KCNQ3: variants seen among roughly 807,000 people sequenced by gnomAD.
The protein encoded by KCNQ3 is potassium voltage-gated channel subfamily Q member 3, also known as potassium voltage-gated channel subfamily KQT member 3.
A neutral mutation model predicts 92.5 loss-of-function variants in KCNQ3; 30 were observed. The ratio of observed to expected loss-of-function variants is 0.32; its 90% CI spans 0.24 to 0.44. The LOEUF is 0.44. KCNQ3 is among the 20% of genes least tolerant of loss of function. The pLI is 1.00. For missense variants in KCNQ3, 913 were observed against 1,140.3 expected (o/e 0.80, Z 2.87); for synonymous variants, 450 against 468.8 (o/e 0.96, Z 0.52).
chr8:132,174,138 G>A (rs986452845), intron 6 of KCNQ3, 101 bp downstream of exon 6: 1 of 833,068 alleles, frequency 1.2e-6, no homozygotes, highest in Non-Finnish European at 2.0e-6. Flanking sequence ...AGTTGGTAGG[G>A]TATAAGAGGA....
In KCNQ3 at chr8:132,175,587, T is replaced by C; in HGVS notation, c.799A>G (p.Ile267Val). Residue 267 changes from isoleucine to valine, a missense_variant, in exon 5 of 15, where the codon ATC (isoleucine) becomes GTC (valine). This residue lies in a region of KCNQ3 where 100 missense variants were observed against 217.6 expected (regional missense o/e 0.46). Coordinates refer to ENST00000388996, the MANE Select transcript of KCNQ3 (RefSeq NM_004519.4). ...GAAAGGATGAGTGTCAGGAAACCGA[T>C]GTACCAGGCCGTGATGAGTTCCTGA... ...HSKELITAWY[I>V]GFLTLILSSF... 1 of 1,614,136 alleles carries C rather than the reference T, an allele frequency of 6.2e-7. No homozygotes were observed. The highest frequency in any genetic ancestry group is 8.5e-7 in the Non-Finnish European group (1 of 1,179,998).
rs2130875064 is a variant in KCNQ3 at position 132,480,329 on chromosome 8, C to T, written c.204G>A (p.Leu68=). The T allele has an allele frequency of 3.7e-6, 6 of 1,600,848 alleles. No homozygotes were observed. The highest frequency in any genetic ancestry group is 5.1e-6 in the Non-Finnish European group (6 of 1,175,376). ...GAGADKDGTL[L]LEGGGRDEGQ... ...CCTCGTCGCGGCCGCCGCCCTCCAG[C>T]AGCAGGGTCCCGTCTTTGTCGGCTC... Residue 68 remains leucine, a synonymous_variant, in exon 1 of 15, where the codon CTG becomes CTA. Transcript: ENST00000388996.
chr8:132,129,618 C>T lies in KCNQ3; in HGVS notation c.2263G>A (p.Asp755Asn), dbSNP rs150821246. ...TGGGAGTGGCAGCTCACTCGGGAGT[C>T]GAGAAGAGTCAAGATAGGCAGGACC... ...PTVLPILTLLDSRVSCHSQAD... is the reference protein window; with the variant it reads ...PTVLPILTLLNSRVSCHSQAD... Residue 755 changes from aspartate to asparagine, a missense_variant, in exon 15 of 15, where the codon GAC (aspartate) becomes AAC (asparagine). This residue lies in a region of KCNQ3 where 375 missense variants were observed against 376.4 expected (regional missense o/e 1.00). Transcript: ENST00000388996. The surrounding 1 kb of genome is among the most constrained non-coding windows in gnomAD (Gnocchi z 5.9). 4.9e-4 allele frequency: 784 copies of T among 1,614,058 alleles called. 2 individuals are homozygous for T. Among genetic ancestry groups the T allele is most frequent in the Non-Finnish European group, 6.2e-4 (736 of 1,180,002 alleles).
intron 1 of KCNQ3, among the ~76,000 whole-genome samples, chr8:132,432,962 ACG>A (rs772396210): frequency 5.3e-5 from 8 of 152,268 alleles, no homozygotes; most frequent in Non-Finnish European, 1.0e-4. Flanking sequence ...CAACTACATA[ACG>A]CCAAATTCTG....
intron 1 of KCNQ3, among the ~76,000 whole-genome samples, chr8:132,271,795 T>C (rs963023968): frequency 2.6e-5 from 4 of 152,222 alleles, no homozygotes; most frequent in African/African-American, 7.2e-5. Context: ...GGCTGAGTGA[T>C]TCACTGCACC....
intron 14 of KCNQ3, among the ~76,000 whole-genome samples, chr8:132,131,071 A>C (rs1196962565): frequency 6.6e-6 from 1 of 152,202 alleles, no homozygotes; most frequent in African/African-American, 2.4e-5. Context: ...ACTTTTGTGA[A>C]TTTTATGACA....
Position 132,480,552 on chromosome 8 carries a change from C to T in KCNQ3, c.-20G>A. On this transcript the variant is annotated 5_prime_UTR_variant, in exon 1 of 15. Transcript: ENST00000388996. The stretch of plus-strand genomic sequence containing the variant: ...CCCCATCTGCCTCGCCCCCGCCGGC[C>T]GCTTCGCCTTCTCCGCTGCTGCTCT... The T allele has an allele frequency of 2.4e-6, 3 of 1,257,674 alleles. No homozygotes were observed. Among genetic ancestry groups the T allele is most frequent in the South Asian group, 1.5e-5 (1 of 64,648 alleles). 77.9% of individuals were successfully genotyped at this position (1,257,674 alleles called of 1,614,324 possible). A position where few individuals can be genotyped will look rare whatever the true frequency, so the allele number is the denominator to read the frequency against.
At chr8:132,248,025 A>C (rs534209418) in intron 1 of KCNQ3, among the ~76,000 whole-genome samples, 1 of 152,140 alleles carries the variant, frequency 6.6e-6, no homozygotes, top group South Asian at 2.1e-4. Flanking sequence ...CACTTTACCA[A>C]AGTTTACGCT....
At chr8:132,233,051 C>T (rs1163743871) in intron 1 of KCNQ3, among the ~76,000 whole-genome samples, 1 of 152,106 alleles carries the variant, frequency 6.6e-6, no homozygotes, top group Non-Finnish European at 1.5e-5. Context: ...AAATATCTTG[C>T]CACGTGAGAA....
In KCNQ3 at chr8:132,122,410, G is replaced by A. The variant is rs1824505468; in HGVS notation, c.*6852C>T. On this transcript the variant is annotated 3_prime_UTR_variant, in exon 15 of 15. Coordinates refer to ENST00000388996, the MANE Select transcript of KCNQ3 (RefSeq NM_004519.4). ...ATGGTCTCATTTTTTATTACTCTTA[G>A]GTATCAAATTGCAGTCCATTCGACA... 1 of 152,170 alleles carries A rather than the reference G, an allele frequency of 6.6e-6. No homozygotes were observed. The highest frequency in any genetic ancestry group is 2.4e-5 in the African/African-American group (1 of 41,424). 9.4% of individuals were successfully genotyped at this position (152,170 alleles called of 1,614,324 possible).
intron 1 of KCNQ3, among the ~76,000 whole-genome samples, chr8:132,278,941 G>C (rs1308962449): frequency 6.6e-6 from 1 of 152,074 alleles, no homozygotes; most frequent in Non-Finnish European, 1.5e-5. Flanking sequence ...ATCCGTCAGG[G>C]GCGGTGACTC....
At chr8:132,407,040 C>T (rs1268178829) in intron 1 of KCNQ3, among the ~76,000 whole-genome samples, 4 of 152,238 alleles carry the variant, frequency 2.6e-5, no homozygotes, top group Admixed American at 2.6e-4. Flanking sequence ...CCTACACTGG[C>T]TGTCAAAACA....
intron 14 of KCNQ3, 96 bp from the exon 15 acceptor site, chr8:132,130,092 T>TTG (rs1824829061): frequency 2.8e-6 from 4 of 1,403,702 alleles, no homozygotes; most frequent in Admixed American, 2.0e-5. Flanking sequence ...TTGTTTTTTT[T>TTG]TTTTTTTTGA....
intron 1 of KCNQ3, among the ~76,000 whole-genome samples, chr8:132,212,672 C>G (rs1265705311): frequency 6.6e-6 from 1 of 152,082 alleles, no homozygotes; most frequent in Non-Finnish European, 1.5e-5. Flanking sequence ...GGAATCCTGG[C>G]TGAAGACTCA....
chr8:132,168,435 G>A (rs1028355931), intron 8 of KCNQ3, among the ~76,000 whole-genome samples: 2 of 152,186 alleles, frequency 1.3e-5, no homozygotes, highest in Non-Finnish European at 2.9e-5. Flanking sequence ...CATACAAGGG[G>A]ATCAAAAATA....
At chr8:132,373,848 G>A (rs1321466903) in intron 1 of KCNQ3, among the ~76,000 whole-genome samples, 1 of 152,108 alleles carries the variant, frequency 6.6e-6, no homozygotes, top group Non-Finnish European at 1.5e-5. Context: ...CCAAGGATAA[G>A]CTCATCACTC....
chr8:132,329,581 C>T (rs1011258232), intron 1 of KCNQ3, among the ~76,000 whole-genome samples: 2 of 152,146 alleles, frequency 1.3e-5, no homozygotes, highest in African/African-American at 4.8e-5. Flanking sequence ...CGACAGTGGT[C>T]GGTGTAGCTC....
At chr8:132,224,682 CTCTT>C (rs958357560) in intron 1 of KCNQ3, among the ~76,000 whole-genome samples, 2 of 152,204 alleles carry the variant, frequency 1.3e-5, no homozygotes, top group African/African-American at 4.8e-5. Context: ...CAGGACAATT[CTCTT>C]TCTAAGCAGC....
intron 1 of KCNQ3, among the ~76,000 whole-genome samples, chr8:132,403,941 A>G (rs1820411751): frequency 6.6e-6 from 1 of 152,314 alleles, no homozygotes; most frequent in African/African-American, 2.4e-5. Context: ...GGCCAGAGCC[A>G]TGGGGTGGGT....
Sources: allele counts gnomAD v4.1 joint callset (sites outside exome capture counted in the v4.1 genomes callset), GRCh38; gene constraint gnomAD v4.1.1; regional missense constraint gnomAD v4.1.1; non-coding constraint Gnocchi (gnomAD v3.1); transcripts MANE v1.5; gene names NCBI Gene and HGNC (gene_info 2026-07-23, HGNC 2026-07-21).